EPB41L2: variants seen among roughly 807,000 people sequenced by gnomAD.
The protein encoded by EPB41L2 is band 4.1-like protein 2.
Under a neutral mutation model 113.0 loss-of-function variants are expected in EPB41L2, and 43 were observed. That is an observed-to-expected ratio of 0.38 (90% CI 0.30 to 0.49). The LOEUF (loss-of-function observed/expected upper bound fraction) is 0.49. Ranked by LOEUF, EPB41L2 falls within the 20% of genes least tolerant of loss-of-function variation. EPB41L2 has a pLI of 0.95. For missense variants in EPB41L2, 1,147 were observed against 1,223.4 expected, an observed-to-expected ratio of 0.94 and a Z score of 0.93; for synonymous variants, 442 against 436.7, an observed-to-expected ratio of 1.01 and a Z score of -0.15.
At chr6:130,960,470 C>A (rs1048535225) in intron 1 of EPB41L2, among the ~76,000 whole-genome samples, 3 of 152,024 alleles carry the variant, frequency 2.0e-5, no homozygotes, top group Admixed American at 1.3e-4. Context: ...GGAAGAGCAC[C>A]GACAAAACCA....
intron 1 of EPB41L2, among the ~76,000 whole-genome samples, chr6:131,016,477 AACACACACACACACACACACAC>A (rs10584309): frequency 7.0e-6 from 1 of 143,536 alleles, no homozygotes; most frequent in African/African-American, 2.6e-5. Context: ...TTAATAAGGA[AACACACACACACACACACACAC>A]ACACACACAC....
At chr6:130,874,001 T>G (rs1256910236) in intron 14 of EPB41L2, among the ~76,000 whole-genome samples, 1 of 152,172 alleles carries the variant, frequency 6.6e-6, no homozygotes, top group Admixed American at 6.5e-5. Context: ...CAGTGAGAGA[T>G]CACTGGGGAA....
At chr6:130,866,995 T>C (rs943612658) in intron 16 of EPB41L2, among the ~76,000 whole-genome samples, 1 of 152,120 alleles carries the variant, frequency 6.6e-6, no homozygotes, top group Non-Finnish European at 1.5e-5. Flanking sequence ...TGTGTGTGTA[T>C]GTGTGTTATT....
At chr6:130,939,101 C>T (rs940338750) in intron 3 of EPB41L2, among the ~76,000 whole-genome samples, 2 of 152,054 alleles carry the variant, frequency 1.3e-5, no homozygotes, top group African/African-American at 2.4e-5. Flanking sequence ...CAGGCTCCAA[C>T]CAGGGGCAGA....
At chr6:130,872,902 G>C (rs1786224217) in intron 14 of EPB41L2, among the ~76,000 whole-genome samples, 1 of 152,202 alleles carries the variant, frequency 6.6e-6, no homozygotes, top group African/African-American at 2.4e-5. Flanking sequence ...CACTTGAAAT[G>C]CTTATTCCTG....
intron 1 of EPB41L2, among the ~76,000 whole-genome samples, chr6:130,958,241 C>G (rs1818115585): frequency 6.6e-6 from 1 of 152,108 alleles, no homozygotes; most frequent in Non-Finnish European, 1.5e-5. Context: ...CACTTGAGGT[C>G]AGGAGTTCGA....
rs1562482468 is a variant in EPB41L2, at chr6:130,917,585, C to A, written c.811-8722G>T. Among the ~76,000 whole-genome samples, 4 of 151,968 alleles carry A rather than the reference C, an allele frequency of 2.6e-5. No individual in the cohort carries two copies. In the South Asian group the frequency reaches 8.3e-4, roughly 31 times the overall value. ...TATTAGTTTCCCATCTACTAACCCC[C>A]ACCCTGCTCCTTGACTATAAATTTC... is the stretch of plus-strand genomic sequence containing the variant. On this transcript the variant is annotated intron_variant, in intron 4 of 19. Transcript: ENST00000337057.
At chr6:130,956,690 C>A (rs1320887866) in intron 1 of EPB41L2, among the ~76,000 whole-genome samples, 191 bp from the exon 2 acceptor site, 1 of 152,178 alleles carries the variant, frequency 6.6e-6, no homozygotes, top group Admixed American at 6.5e-5. Context: ...AATTCTCTAT[C>A]AGCATCACAG....
intron 6 of EPB41L2, among the ~76,000 whole-genome samples, chr6:130,903,043 G>A (rs1796723604): frequency 6.6e-6 from 1 of 152,146 alleles, no homozygotes; most frequent in Non-Finnish European, 1.5e-5. Context: ...TTAGTTAGCT[G>A]AGCAGACTAT....
intron 1 of EPB41L2, among the ~76,000 whole-genome samples, chr6:131,009,529 C>T (rs1390197507): frequency 6.6e-6 from 1 of 151,716 alleles, no homozygotes; most frequent in African/African-American, 2.4e-5. Context: ...CACACCTGTA[C>T]ATAAAGCAAA....
chr6:130,840,784 G>C (rs1351831177), intron 19 of EPB41L2, among the ~76,000 whole-genome samples, 186 bp from the exon 20 acceptor site: 6 of 152,118 alleles, frequency 3.9e-5, no homozygotes, highest in Non-Finnish European at 7.4e-5. Context: ...ACTCTCGAGG[G>C]CCTTAAAATA....
intron 1 of EPB41L2, among the ~76,000 whole-genome samples, chr6:131,026,754 C>T (rs989240338): frequency 2.6e-4 from 40 of 152,160 alleles, no homozygotes; most frequent in Admixed American, 6.6e-5. Context: ...ACAGCTACAA[C>T]GGAATCCCTC....
At chr6:130,864,816 A>T (rs1783201986) in intron 17 of EPB41L2, among the ~76,000 whole-genome samples, 1 of 152,204 alleles carries the variant, frequency 6.6e-6, no homozygotes, top group Non-Finnish European at 1.5e-5. Context: ...ATGGGTTGGG[A>T]AGGGCACAAG....
chr6:130,995,806 C>T (rs779220679), intron 1 of EPB41L2, among the ~76,000 whole-genome samples: 8 of 152,178 alleles, frequency 5.3e-5, no homozygotes, highest in African/African-American at 9.7e-5. Context: ...CCATGATTTA[C>T]ACTAGCTCTG....
chr6:130,901,316 C>T lies in EPB41L2; in HGVS notation c.930-136G>A, dbSNP rs76943153. 7.0e-3 allele frequency: 4,840 copies of T among 692,870 alleles called. 164 individuals carry two copies. In the African/African-American group the frequency reaches 0.077, roughly 11 times the overall value. The allele number at this position is 692,870 out of a possible 1,614,324, so 42.9% of individuals were successfully genotyped here. A position where few individuals can be genotyped will look rare whatever the true frequency, so the allele number is the denominator to read the frequency against. On this transcript the variant is annotated intron_variant, in intron 6 of 19. Coordinates refer to ENST00000337057, the MANE Select transcript of EPB41L2 (RefSeq NM_001431.4). ...CACTCTTCATATAAACAGCAAAAAT[C>T]ATCTTCTCTAATAAAAAGCCTCAAC...
chr6:130,890,620 A>G (rs1313959470), intron 10 of EPB41L2, among the ~76,000 whole-genome samples, 154 bp from the exon 11 acceptor site: 1 of 152,230 alleles, frequency 6.6e-6, no homozygotes, highest in Non-Finnish European at 1.5e-5. Flanking sequence ...AACATTATTT[A>G]TAAACCCTCC....
chr6:130,848,519 A>C (rs1339918424), intron 19 of EPB41L2, among the ~76,000 whole-genome samples: 1 of 152,210 alleles, frequency 6.6e-6, no homozygotes, highest in Non-Finnish European at 1.5e-5. Flanking sequence ...CATGTCTGAA[A>C]TCCAGTAAAT....
intron 1 of EPB41L2, among the ~76,000 whole-genome samples, chr6:131,050,339 C>CA (rs1027656783): frequency 6.0e-5 from 9 of 149,490 alleles, no homozygotes; most frequent in South Asian, 2.1e-4. Flanking sequence ...ACTCTGTCTC[C>CA]AAAAAAAAAT....
intron 1 of EPB41L2, among the ~76,000 whole-genome samples, chr6:131,055,078 G>A (rs1018109858): frequency 1.3e-5 from 2 of 152,238 alleles, no homozygotes; most frequent in Non-Finnish European, 2.9e-5. Flanking sequence ...GGTATACTGA[G>A]TTGATCATGA....
Sources: allele counts gnomAD v4.1 joint callset (sites outside exome capture counted in the v4.1 genomes callset), GRCh38; gene constraint gnomAD v4.1.1; transcripts MANE v1.5; gene names NCBI Gene and HGNC (gene_info 2026-07-23, HGNC 2026-07-21).